The following EAPP variants were observed in gnomAD, a reference collection of about 807,000 sequenced individuals.
EAPP encodes the protein E2F associated phosphoprotein.
In EAPP, 38 loss-of-function variants were observed where a neutral mutation model predicts 34.3. The ratio of observed to expected loss-of-function variants is 1.11; its 90% CI spans 0.85 to 1.45. EAPP has a LOEUF of 1.45. EAPP is among the 40% of genes most tolerant of loss of function. EAPP has a pLI of 0.00. For synonymous variants in EAPP, 113 were observed against 117.6 expected (o/e 0.96, Z 0.25); for missense variants, 338 against 343.7 (o/e 0.98, Z 0.13).
intron 5 of EAPP, among the ~76,000 whole-genome samples, chr14:34,523,527 T>TTG (rs1431649051): frequency 1.7e-5 from 1 of 57,806 alleles, no homozygotes; most frequent in African/African-American, 7.1e-5. Flanking sequence ...GCCCAGCCCG[T>TTG]TTTTTTTTTT....
At chr14:34,539,120 T>C (rs920818867) in intron 1 of EAPP, 1 of 279,616 alleles carries the variant, frequency 3.6e-6, no homozygotes, top group African/African-American at 2.2e-5. Flanking sequence ...CAGTTTAGTC[T>C]TCAAGATGGA....
At chr14:34,530,729 T>C (rs12323367) in intron 3 of EAPP, among the ~76,000 whole-genome samples, 52,468 of 150,940 alleles carry the variant, frequency 0.35, 9,390 homozygotes, top group Non-Finnish European at 0.4. Flanking sequence ...GATGTATGAA[T>C]ATATATATAA....
intron 1 of EAPP, 50 bp downstream of exon 1, chr14:34,539,505 G>T: frequency 6.3e-7 from 1 of 1,582,944 alleles, no homozygotes; most frequent in Non-Finnish European, 8.6e-7. Context: ...GGCGACCAAA[G>T]CCAGGCCTCG....
At chr14:34,538,294 G>T (rs1331415926) in intron 1 of EAPP, among the ~76,000 whole-genome samples, 1 of 152,150 alleles carries the variant, frequency 6.6e-6, no homozygotes, top group Non-Finnish European at 1.5e-5. Flanking sequence ...CAGGAGAATT[G>T]CTGGAACCCA....
intron 2 of EAPP, 138 bp downstream of exon 2, chr14:34,535,956 C>T: frequency 1.6e-6 from 1 of 609,354 alleles, no homozygotes; most frequent in Non-Finnish European, 2.8e-6. Context: ...CTCAGACTGC[C>T]AAATACATTC....
At position 34,536,142 on chromosome 14, in the gene EAPP, T is replaced by G. The variant is rs201467477; in HGVS notation, c.208A>C (p.Asn70His). 6.2e-7 allele frequency: 1 copy of G among 1,612,794 alleles called. No individual in the cohort carries two copies. The highest frequency in any genetic ancestry group is 8.5e-7 in the Non-Finnish European group (1 of 1,179,712). ...TCCTCCATTGTTTTCATGGTAGAAT[T>G]TAATTCAGCTTCCATCTCCTTTTCA... ...EFEKEMEAEL[N>H]STMKTMEDKL... Residue 70 changes from asparagine (N) to histidine (H), a missense_variant, in exon 2 of 6, where the codon AAT (asparagine) becomes CAT (histidine). Coordinates refer to ENST00000250454, the MANE Select transcript of EAPP (RefSeq NM_018453.4).
At chr14:34,539,278 G>A (rs1301427739) in intron 1 of EAPP, 1 of 639,060 alleles carries the variant, frequency 1.6e-6, no homozygotes, top group Non-Finnish European at 2.9e-6. Flanking sequence ...TGCTACTAAG[G>A]TGTAGAGACA....
At chr14:34,528,414 CCTTTTTTTTTTT>C (rs1281647882) in intron 4 of EAPP, among the ~76,000 whole-genome samples, 1 of 54,152 alleles carries the variant, frequency 1.8e-5, no homozygotes, top group African/African-American at 4.6e-5. Context: ...TCCACAAAAC[CCTTTTTTTTTTT>C]TTTTTTTTTT....
At chr14:34,524,374 G>A (rs1181398477) in intron 5 of EAPP, among the ~76,000 whole-genome samples, 1 of 152,104 alleles carries the variant, frequency 6.6e-6, no homozygotes, top group Admixed American at 6.6e-5. Flanking sequence ...GTACGACAGA[G>A]TGAGACTTCA....
intron 5 of EAPP, among the ~76,000 whole-genome samples, chr14:34,518,260 A>G (rs11156847): frequency 0.35 from 51,561 of 147,462 alleles, 9,153 homozygotes; most frequent in Non-Finnish European, 0.4. Flanking sequence ...CTGAGAGTGG[A>G]GTGTTGAAGT....
intron 4 of EAPP, among the ~76,000 whole-genome samples, chr14:34,527,433 C>G (rs28829288): frequency 0.34 from 52,194 of 151,758 alleles, 9,281 homozygotes; most frequent in Non-Finnish European, 0.4. Flanking sequence ...GGAAGCTGAA[C>G]CAGGAGGAGT....
chr14:34,525,195 C>T (rs1361071309), intron 4 of EAPP, among the ~76,000 whole-genome samples: 2 of 152,134 alleles, frequency 1.3e-5, no homozygotes, highest in Non-Finnish European at 2.9e-5. Context: ...ACACAGAATT[C>T]TAAATAATCT....
Position 34,516,414 on chromosome 14 carries a change from C to A in EAPP, c.754G>T (p.Glu252Ter). The A allele has an allele frequency of 6.2e-7, 1 of 1,614,210 alleles. No homozygotes were observed. Among genetic ancestry groups the A allele is most frequent in the Non-Finnish European group, 8.5e-7 (1 of 1,180,040 alleles). Residue 252 changes from glutamate to a stop codon, truncating the protein, a stop_gained, in exon 6 of 6, where the codon GAA becomes TAA. Transcript: ENST00000250454. LOFTEE classifies it high-confidence loss of function. ...AAEKAETDVE[E>*]IYHPVMCTEC... is the part of the protein sequence containing the mutation. ...GTGCACATGACTGGGTGATAGATTTCTTCCACATCTGTCTCTGCCTTCTCG... is the reference window on the plus strand; with the variant it reads ...GTGCACATGACTGGGTGATAGATTTATTCCACATCTGTCTCTGCCTTCTCG...
chr14:34,522,399 A>G (rs1426147573), intron 5 of EAPP, among the ~76,000 whole-genome samples: 5 of 152,066 alleles, frequency 3.3e-5, no homozygotes, highest in Non-Finnish European at 5.9e-5. Context: ...CAGTATTGTG[A>G]TATGTGATAT....
intron 1 of EAPP, 73 bp downstream of exon 1, chr14:34,539,482 C>T: frequency 1.3e-6 from 2 of 1,502,214 alleles, no homozygotes; most frequent in South Asian, 1.1e-5. Flanking sequence ...GCTCGGCAGG[C>T]GCAACGAATG....
At chr14:34,538,375 T>C (rs970411980) in intron 1 of EAPP, among the ~76,000 whole-genome samples, 5 of 103,180 alleles carry the variant, frequency 4.8e-5, no homozygotes, top group Non-Finnish European at 1.0e-4. Context: ...TGAGACTCTG[T>C]CTCAAAATAA....
At chr14:34,529,251 G>T in intron 4 of EAPP, 107 bp downstream of exon 4, 1 of 799,938 alleles carries the variant, frequency 1.3e-6, no homozygotes, top group Admixed American at 3.0e-5. Flanking sequence ...GTTTGTGTGT[G>T]TGTGTTTGTG....
intron 4 of EAPP, among the ~76,000 whole-genome samples, chr14:34,526,064 T>A (rs1435789313): frequency 6.6e-6 from 1 of 151,528 alleles, no homozygotes; most frequent in East Asian, 2.0e-4. Context: ...TCAATATTAG[T>A]CCATTAATTG....
chr14:34,523,210 A>G (rs1304560747), intron 5 of EAPP, among the ~76,000 whole-genome samples: 4 of 149,224 alleles, frequency 2.7e-5, no homozygotes, highest in African/African-American at 4.9e-5. Flanking sequence ...GTTTGCTTCT[A>G]TGCTGCTATT....
Sources: allele counts gnomAD v4.1 joint callset (sites outside exome capture counted in the v4.1 genomes callset), GRCh38; gene constraint gnomAD v4.1.1; transcripts MANE v1.5; gene names NCBI Gene and HGNC (gene_info 2026-07-23, HGNC 2026-07-21).